Variants in SOX7 observed in about 807,000 individuals in gnomAD.
The protein encoded by SOX7 is transcription factor SOX-7.
A neutral mutation model predicts 24.9 loss-of-function variants in SOX7; 19 were observed. That is an observed-to-expected ratio of 0.76 (90% confidence interval 0.53 to 1.12). The LOEUF (loss-of-function observed/expected upper bound fraction) is 1.12. SOX7 is among the 50% of genes most tolerant of loss of function. The pLI is 0.00. For synonymous variants in SOX7, 327 were observed against 244.5 expected (o/e 1.34, Z -3.15); for missense variants, 702 against 535.0 (o/e 1.31, Z -3.08).
At position 10,726,594 on chromosome 8, in the gene SOX7, T is replaced by C. The variant is rs1211291295; in HGVS notation, c.311A>G (p.Gln104Arg). Residue 104 changes from glutamine to arginine, a missense_variant, in exon 2 of 2, where the codon CAG becomes CGG. Physicochemically the swap from Gln to Arg is conservative, Grantham distance 43. Transcript: ENST00000304501. ...YVDEAERLRLQHMQDYPNYKY... is the reference protein window; with the variant it reads ...YVDEAERLRLRHMQDYPNYKY... ...GTAGTTGGGGTAGTCCTGCATGTGC[T>C]GCAGGCGCAGCCGCTCCGCCTCGTC... 1 of 1,609,670 alleles carries C rather than the reference T, an allele frequency of 6.2e-7. No homozygotes were observed. The highest frequency in any genetic ancestry group is 8.5e-7 in the Non-Finnish European group (1 of 1,179,734).
rs775718343 is a variant in SOX7, at chr8:10,726,173, C to T, written c.732G>A (p.Pro244=). Residue 244 remains proline, a synonymous_variant, in exon 2 of 2, where the codon CCG becomes CCA. Coordinates refer to ENST00000304501, the MANE Select transcript of SOX7 (RefSeq NM_031439.4). The part of the protein sequence containing the change: ...IPHLPGHPYS[P]EYAPSPLHCS... ...AGTGGAGAGGGCTTGGGGCGTACTC[C>T]GGTGAGTACGGGTGCCCTGGCAGGT... The T allele has an allele frequency of 5.0e-6, 8 of 1,608,554 alleles. No individual in the cohort carries two copies. The highest frequency in any genetic ancestry group is 2.2e-5 in the South Asian group (2 of 89,934).
chr8:10,725,779 C>A lies in SOX7; in HGVS notation c.1126G>T (p.Asp376Tyr). The A allele has an allele frequency of 2.5e-6, 4 of 1,614,172 alleles. No homozygotes were observed. Among genetic ancestry groups the A allele is most frequent in the Non-Finnish European group, 3.4e-6 (4 of 1,180,030 alleles). Residue 376 changes from aspartate to tyrosine, a missense_variant, in exon 2 of 2, where the codon GAT (aspartate) becomes TAT (tyrosine). Physicochemically the swap from Asp to Tyr is radical, Grantham distance 160. Coordinates refer to ENST00000304501, the MANE Select transcript of SOX7 (RefSeq NM_031439.4). ...TETSLISVLA[D>Y]ATATYYNSYS... ...CTGTTGTAGTACGTGGCCGTGGCAT[C>A]AGCCAGGACGGAGATGAGGCTGGTC...
rs150061334 is a variant in SOX7, at chr8:10,725,886, C to T, written c.1019G>A (p.Gly340Asp). The part of the protein sequence containing the change: ...NEFDQYLNTP[G>D]HPDSATGAMA... Reference sequence around the variant, plus strand: ...GGCCCCTGTGGCGGAGTCTGGGTGGCCAGGAGTGTTCAAATACTGGTCGAA... The same window carrying T: ...GGCCCCTGTGGCGGAGTCTGGGTGGTCAGGAGTGTTCAAATACTGGTCGAA... Residue 340 changes from glycine (G) to aspartate (D), a missense_variant, in exon 2 of 2, where the codon GGC becomes GAC. By Grantham distance (94) the Gly-to-Asp change is moderately conservative. Coordinates refer to ENST00000304501, the MANE Select transcript of SOX7 (RefSeq NM_031439.4). The T allele has an allele frequency of 1.9e-6, 3 of 1,614,162 alleles. No homozygotes were observed. The highest frequency in any genetic ancestry group is 2.2e-5 in the East Asian group (1 of 44,868).
chr8:10,728,471 T>C (rs1166774113), intron 1 of SOX7, among the ~76,000 whole-genome samples: 1 of 152,194 alleles, frequency 6.6e-6, no homozygotes, highest in Non-Finnish European at 1.5e-5. Context: ...TACTAACAGG[T>C]GCACAAGTCC....
At position 10,730,434 on chromosome 8, in the gene SOX7, G is replaced by A. The variant is rs1289650754; in HGVS notation, c.-1C>T. ...GGTAGGCTCCCAGCAGCGAAGCCAT[G>A]GCCGCACGCGGGTCGCCTCGCTTCG... On this transcript the variant is annotated 5_prime_UTR_variant, in exon 1 of 2. Transcript: ENST00000304501. The surrounding 1 kb of genome is among the most constrained non-coding windows in gnomAD (Gnocchi z 4.8). 2 of 1,467,588 alleles carry A rather than the reference G, an allele frequency of 1.4e-6. No individual in the cohort carries two copies. Among genetic ancestry groups the A allele is most frequent in the Non-Finnish European group, 1.8e-6 (2 of 1,115,970 alleles). 90.9% of individuals were successfully genotyped at this position (1,467,588 alleles called of 1,614,324 possible). A position where few individuals can be genotyped will look rare whatever the true frequency, so the allele number is the denominator to read the frequency against.
rs368194220 is a variant in SOX7, at chr8:10,726,348, C to T, written c.557G>A (p.Gly186Asp). 10 of 1,612,358 alleles carry T rather than the reference C, an allele frequency of 6.2e-6. No individual in the cohort carries two copies. Among genetic ancestry groups the T allele is most frequent in the African/African-American group, 4.0e-5 (3 of 74,876 alleles). ...CACACTGCTCGGGGTGCCGCCGCCGCCACCACCAGCCGGCCCCTCGTGGTA... is the reference window on the plus strand; with the variant it reads ...CACACTGCTCGGGGTGCCGCCGCCGTCACCACCAGCCGGCCCCTCGTGGTA... ...GCYHEGPAGG[G>D]GGGTPSSVDT... The change falls in exon 2 of 2, where the codon GGC becomes GAC. Residue 186 changes from glycine to aspartate, a missense_variant. Physicochemically the swap from Gly to Asp is moderately conservative, Grantham distance 94 (BLOSUM62 -1). Transcript: ENST00000304501.
In SOX7 at chr8:10,726,095, C is replaced by A. The variant is rs1455692364; in HGVS notation, c.810G>T (p.Met270Ile). The A allele has an allele frequency of 1.9e-6, 3 of 1,564,470 alleles. No individual in the cohort carries two copies. Among genetic ancestry groups the A allele is most frequent in the Non-Finnish European group, 2.6e-6 (3 of 1,156,482 alleles). Residue 270 changes from methionine to isoleucine, a missense_variant, in exon 2 of 2, where the codon ATG (methionine) becomes ATT (isoleucine). By Grantham distance (10) the Met-to-Ile change is conservative (BLOSUM62 1). Coordinates refer to ENST00000304501, the MANE Select transcript of SOX7 (RefSeq NM_031439.4). ...LALGQSPGVS[M>I]MSPVPGCPPS... The stretch of plus-strand genomic sequence containing the variant: ...GGGGACAGCCGGGTACAGGGGACAT[C>A]ATGGAGACGCCGGGGGACTGGCCAA...
Position 10,726,169 on chromosome 8 carries a change from A to G in SOX7, c.736T>C (p.Tyr246His). The G allele has an allele frequency of 6.2e-7, 1 of 1,606,564 alleles. No homozygotes were observed. Among genetic ancestry groups the G allele is most frequent in the Non-Finnish European group, 8.5e-7 (1 of 1,176,950 alleles). ...HLPGHPYSPE[Y>H]APSPLHCSHP... The stretch of plus-strand genomic sequence containing the variant: ...CTACAGTGGAGAGGGCTTGGGGCGT[A>G]CTCCGGTGAGTACGGGTGCCCTGGC... The change falls in exon 2 of 2, where the codon TAC (tyrosine) becomes CAC (histidine). Residue 246 changes from tyrosine to histidine, a missense_variant. Physicochemically the swap from Tyr to His is moderately conservative, Grantham distance 83. Transcript: ENST00000304501.
Position 10,726,670 on chromosome 8 carries a change from C to T in SOX7, c.239-4G>A, listed in dbSNP as rs756817133. The T allele has an allele frequency of 6.4e-7, 1 of 1,561,360 alleles. No homozygotes were observed. The highest frequency in any genetic ancestry group is 2.2e-5 in the East Asian group (1 of 44,486). On this transcript the variant is annotated splice_region_variant and splice_polypyrimidine_tract_variant and intron_variant, in intron 1 of 1. Transcript: ENST00000304501. Reference sequence around the variant, plus strand: ...GTCAGCGCCTTCCACGACTTTCCTGCTCACACAAGGCAGAGGAGGCCATGC... The same window carrying T: ...GTCAGCGCCTTCCACGACTTTCCTGTTCACACAAGGCAGAGGAGGCCATGC...
At chr8:10,727,697 G>A (rs76856853) in intron 1 of SOX7, among the ~76,000 whole-genome samples, 1,751 of 152,258 alleles carry the variant, frequency 0.012, 14 homozygotes, top group African/African-American at 0.028. Context: ...TAGGGGTGGG[G>A]GGCTTCTGGA....
At chr8:10,727,451 C>T (rs1237006637) in intron 1 of SOX7, among the ~76,000 whole-genome samples, 1 of 152,192 alleles carries the variant, frequency 6.6e-6, no homozygotes, top group African/African-American at 2.4e-5. Context: ...AGAAGCCATT[C>T]CCTGCACTTT....
rs140525663 is a variant in SOX7 at position 10,728,865 on chromosome 8, C to A, written c.238+1331G>T. ...GGGATCCACAACAAACATATTTTCA[C>A]TTCTTTTAAAATCTGAAGAAAAATA... On this transcript the variant is annotated intron_variant, in intron 1 of 1. Coordinates refer to ENST00000304501, the MANE Select transcript of SOX7 (RefSeq NM_031439.4). 1.3e-4 allele frequency among the ~76,000 whole-genome samples: 20 copies of A among 152,364 alleles called. No individual in the cohort carries two copies. In the East Asian group the frequency reaches 3.7e-3, roughly 28 times the overall value.
Position 10,725,102 on chromosome 8 carries a change from A to T in SOX7, c.*636T>A, listed in dbSNP as rs1563178043. ...AAGAACTGCTTTAAAATGTATATTTAAAATAAAATAGTTTTAACTCAATCC... is the reference window on the plus strand; with the variant it reads ...AAGAACTGCTTTAAAATGTATATTTTAAATAAAATAGTTTTAACTCAATCC... On this transcript the variant is annotated 3_prime_UTR_variant, in exon 2 of 2. Transcript: ENST00000304501. 6.5e-6 allele frequency: 1 copy of T among 153,112 alleles called. No homozygotes were observed. The highest frequency in any genetic ancestry group is 1.5e-5 in the Non-Finnish European group (1 of 68,714). 9.5% of individuals were successfully genotyped at this position (153,112 alleles called of 1,614,324 possible).
intron 1 of SOX7, among the ~76,000 whole-genome samples, chr8:10,727,936 G>C (rs750006087): frequency 3.9e-5 from 6 of 152,248 alleles, no homozygotes; most frequent in Non-Finnish European, 8.8e-5. Flanking sequence ...TGGGCCAGGG[G>C]CTCAGAGCCA....
chr8:10,725,971 A>T lies in SOX7; in HGVS notation c.934T>A (p.Phe312Ile), dbSNP rs1251498716. Residue 312 changes from phenylalanine (F) to isoleucine (I), a missense_variant, in exon 2 of 2, where the codon TTC becomes ATC. Physicochemically the swap from Phe to Ile is conservative, Grantham distance 21 (BLOSUM62 0). Transcript: ENST00000304501. ...TGGCTCAGTTGATCCAGGGCGTCGA[A>T]GCCAGGGTGCTCAGGAGGCGGGGAA... Reference protein sequence around the residue: ...QLSPPPEHPGFDALDQLSQVE... With the variant: ...QLSPPPEHPGIDALDQLSQVE... 6.2e-7 allele frequency: 1 copy of T among 1,609,156 alleles called. No homozygotes were observed. The highest frequency in any genetic ancestry group is 1.3e-5 in the African/African-American group (1 of 74,986).
chr8:10,726,485 C>T lies in SOX7; in HGVS notation c.420G>A (p.Arg140=), dbSNP rs1312702492. The change falls in exon 2 of 2, where the codon CGG becomes CGA. Residue 140 remains arginine, a synonymous_variant. Transcript: ENST00000304501. ...TCTTCTCCGGCAGGGCGTTCTGGTCCCGGGAGAGGGAGCTCAGAAGGAAGC... is the reference window on the plus strand; with the variant it reads ...TCTTCTCCGGCAGGGCGTTCTGGTCTCGGGAGAGGGAGCTCAGAAGGAAGC... ...DPGFLLSSLS[R]DQNALPEKRS... 1 of 1,612,358 alleles carries T rather than the reference C, an allele frequency of 6.2e-7. No individual in the cohort carries two copies. Among genetic ancestry groups the T allele is most frequent in the Admixed American group, 1.7e-5 (1 of 60,018 alleles).
rs1054922755 is a variant in SOX7 at position 10,724,843 on chromosome 8, C to T, written c.*895G>A. ...GTTCAAGACATTCTCCTGCCTCAGCCTTCCAAGTAGCTGGGATTACAGGCA... is the reference window on the plus strand; with the variant it reads ...GTTCAAGACATTCTCCTGCCTCAGCTTTCCAAGTAGCTGGGATTACAGGCA... On this transcript the variant is annotated 3_prime_UTR_variant, in exon 2 of 2. Coordinates refer to ENST00000304501, the MANE Select transcript of SOX7 (RefSeq NM_031439.4). 3 of 152,196 alleles carry T rather than the reference C, an allele frequency of 2.0e-5. No homozygotes were observed. Among genetic ancestry groups the T allele is most frequent in the Non-Finnish European group, 4.4e-5 (3 of 68,062 alleles). 9.4% of individuals were successfully genotyped at this position (152,196 alleles called of 1,614,324 possible).
chr8:10,730,337 G>T lies in SOX7; in HGVS notation c.97C>A (p.Pro33Thr), dbSNP rs1424160383. The change falls in exon 1 of 2, where the codon CCC (proline) becomes ACC (threonine). Residue 33 changes from proline (P) to threonine (T), a missense_variant. By Grantham distance (38) the Pro-to-Thr change is conservative. Transcript: ENST00000304501. The surrounding 1 kb of genome is among the most constrained non-coding windows in gnomAD (Gnocchi z 4.8). Reference sequence around the variant, plus strand: ...GAGCCCTTGTCCCCCGGGGGCCGGGGGACGGCCGGCGGCGATTGTCCATCC... The same window carrying T: ...GAGCCCTTGTCCCCCGGGGGCCGGGTGACGGCCGGCGGCGATTGTCCATCC... ...LSDGQSPPAV[P>T]RPPGDKGSES... The T allele has an allele frequency of 1.3e-6, 2 of 1,568,074 alleles. No individual in the cohort carries two copies.
At position 10,725,801 on chromosome 8, in the gene SOX7, G is replaced by C. The variant is rs147196906; in HGVS notation, c.1104C>G (p.Thr368=). 6.2e-7 allele frequency: 1 copy of C among 1,614,230 alleles called. No individual in the cohort carries two copies. The highest frequency in any genetic ancestry group is 8.5e-7 in the Non-Finnish European group (1 of 1,180,034). ...SQVTPTGPTE[T]SLISVLADAT... is the part of the protein sequence containing the mutation. ...CATCAGCCAGGACGGAGATGAGGCT[G>C]GTCTCTGTGGGACCCGTTGGTGTCA... Residue 368 remains threonine, a synonymous_variant, in exon 2 of 2, where the codon ACC becomes ACG. Transcript: ENST00000304501.
Sources: allele counts gnomAD v4.1 joint callset (sites outside exome capture counted in the v4.1 genomes callset), GRCh38; gene constraint gnomAD v4.1.1; non-coding constraint Gnocchi (gnomAD v3.1); transcripts MANE v1.5; gene names NCBI Gene and HGNC (gene_info 2026-07-23, HGNC 2026-07-21).